The following MPPED2 variants were observed in gnomAD, a reference collection of about 807,000 sequenced individuals.
The protein encoded by MPPED2 is metallophosphoesterase domain containing 2, also known as metallophosphoesterase MPPED2.
In MPPED2, 5 loss-of-function variants were observed where a neutral mutation model predicts 33.0. That is an observed-to-expected ratio of 0.15 (90% confidence interval 0.08 to 0.32). MPPED2 has a LOEUF of 0.32. Ranked by LOEUF, MPPED2 falls within the 10% of genes least tolerant of loss-of-function variation. The pLI is 1.00. For missense variants in MPPED2, 275 were observed against 372.1 expected, an observed-to-expected ratio of 0.74 and a Z score of 2.15; for synonymous variants, 136 against 141.9, an observed-to-expected ratio of 0.96 and a Z score of 0.29.
chr11:30,459,926 T>C (rs1950450811), intron 4 of MPPED2, among the ~76,000 whole-genome samples: 1 of 152,208 alleles, frequency 6.6e-6, no homozygotes, highest in Non-Finnish European at 1.5e-5. Context: ...TTGAACTATC[T>C]GGAGGCAAAC....
At chr11:30,501,200 A>G (rs554923171) in intron 3 of MPPED2, among the ~76,000 whole-genome samples, 2 of 152,316 alleles carry the variant, frequency 1.3e-5, no homozygotes, top group East Asian at 3.9e-4. Flanking sequence ...ATCTTTCCCA[A>G]TCGCCATCAA....
chr11:30,450,778 G>C (rs1317651232), intron 4 of MPPED2, among the ~76,000 whole-genome samples: 2 of 152,186 alleles, frequency 1.3e-5, no homozygotes, highest in Admixed American at 1.3e-4. Flanking sequence ...CACATTAAAT[G>C]ACACATTTTA....
At chr11:30,578,091 G>A (rs541667977) in intron 2 of MPPED2, among the ~76,000 whole-genome samples, 36 of 152,296 alleles carry the variant, frequency 2.4e-4, no homozygotes, top group African/African-American at 8.4e-4. Context: ...CAAGTAACTT[G>A]GGCAGGCATG....
intron 4 of MPPED2, among the ~76,000 whole-genome samples, chr11:30,463,466 C>T (rs2048282281): frequency 6.6e-6 from 1 of 152,148 alleles, no homozygotes; most frequent in African/African-American, 2.4e-5. Flanking sequence ...TGCATTCCAC[C>T]CCTTTAGCCC....
intron 2 of MPPED2, among the ~76,000 whole-genome samples, chr11:30,577,439 T>C (rs1956978303): frequency 6.6e-6 from 1 of 152,046 alleles, no homozygotes; most frequent in Non-Finnish European, 1.5e-5. Context: ...CCATGCAAAA[T>C]AAATGAGCAA....
chr11:30,402,613 GA>G (rs1947924616), intron 6 of MPPED2, among the ~76,000 whole-genome samples: 1 of 152,190 alleles, frequency 6.6e-6, no homozygotes, highest in Non-Finnish European at 1.5e-5. Context: ...ATTGACCTGG[GA>G]AATCTAAAGG....
chr11:30,403,633 G>C (rs1947944886), intron 6 of MPPED2, among the ~76,000 whole-genome samples: 1 of 152,172 alleles, frequency 6.6e-6, no homozygotes, highest in South Asian at 2.1e-4. Flanking sequence ...GCCATTTGAT[G>C]CTTCAAATCT....
intron 4 of MPPED2, among the ~76,000 whole-genome samples, chr11:30,428,748 A>G (rs923049129): frequency 1.3e-5 from 2 of 152,192 alleles, no homozygotes; most frequent in African/African-American, 4.8e-5. Context: ...TAGCAACCAT[A>G]CACGTATGTT....
At chr11:30,496,723 G>T (rs892065856) in intron 3 of MPPED2, among the ~76,000 whole-genome samples, 57 of 146,292 alleles carry the variant, frequency 3.9e-4, no homozygotes, top group Admixed American at 3.2e-3. Context: ...GGGGTGGGGG[G>T]AGGTGAGGGG....
intron 1 of MPPED2, 125 bp from the exon 2 acceptor site, chr11:30,580,619 A>T: frequency 1.1e-6 from 1 of 936,574 alleles, no homozygotes; most frequent in Non-Finnish European, 1.5e-6. Flanking sequence ...TTGTTGGCTC[A>T]TGGATACAAC....
intron 3 of MPPED2, among the ~76,000 whole-genome samples, chr11:30,507,726 G>A (rs949194502): frequency 2.0e-5 from 3 of 152,250 alleles, no homozygotes; most frequent in African/African-American, 7.2e-5. Context: ...TTCCTGGGGG[G>A]TGTGAAATCA....
intron 3 of MPPED2, among the ~76,000 whole-genome samples, chr11:30,509,396 C>T (rs189808795): frequency 2.6e-5 from 4 of 152,252 alleles, no homozygotes; most frequent in East Asian, 3.9e-4. Context: ...CCTTTGTTCC[C>T]GGTAGCTCAG....
At chr11:30,509,300 T>C (rs955225279) in intron 3 of MPPED2, among the ~76,000 whole-genome samples, 5 of 152,208 alleles carry the variant, frequency 3.3e-5, no homozygotes, top group Admixed American at 6.5e-5. Context: ...ATGAACTATA[T>C]ACATGACACA....
At chr11:30,441,753 A>G (rs1949582412) in intron 4 of MPPED2, among the ~76,000 whole-genome samples, 2 of 151,488 alleles carry the variant, frequency 1.3e-5, no homozygotes, top group Admixed American at 6.6e-5. Flanking sequence ...TTTTTTGCAT[A>G]GGTTTCCCCA....
At chr11:30,495,085 C>T (rs1006250963) in intron 4 of MPPED2, 23 of 562,080 alleles carry the variant, frequency 4.1e-5, no homozygotes, top group Admixed American at 1.3e-4. Flanking sequence ...AAAGCTTTAA[C>T]TCCTATTGAT....
chr11:30,536,302 C>G, intron 2 of MPPED2, 127 bp from the exon 3 acceptor site: 8 of 762,898 alleles, frequency 1.0e-5, no homozygotes, highest in Non-Finnish European at 1.3e-5. Context: ...GCAGAAGGGC[C>G]CACTGTAATT....
Position 30,410,525 on chromosome 11 carries a change from C to T in MPPED2, c.*943G>A. 2 of 985,664 alleles carry T rather than the reference C, an allele frequency of 2.0e-6. No individual in the cohort carries two copies. The highest frequency in any genetic ancestry group is 2.4e-6 in the Non-Finnish European group (2 of 829,926). 61.1% of individuals were successfully genotyped at this position (985,664 alleles called of 1,614,324 possible). A position where few individuals can be genotyped will look rare whatever the true frequency, so the allele number is the denominator to read the frequency against. ...TATTTTAGTTAGCTTCCATTGCATC[C>T]ATTTAAGTCTATACATGCCTGTAAC... On this transcript the variant is annotated 3_prime_UTR_variant, in exon 7 of 7. Transcript: ENST00000358117.
At chr11:30,426,932 A>G (rs1948865140) in intron 4 of MPPED2, among the ~76,000 whole-genome samples, 1 of 152,126 alleles carries the variant, frequency 6.6e-6, no homozygotes, top group Non-Finnish European at 1.5e-5. Context: ...ACAACACACA[A>G]AAACCCACAT....
intron 3 of MPPED2, among the ~76,000 whole-genome samples, chr11:30,517,657 A>G (rs1953608709): frequency 1.3e-5 from 2 of 152,042 alleles, no homozygotes; most frequent in Non-Finnish European, 2.9e-5. Flanking sequence ...AGGCAATGGA[A>G]CAGGGTACTA....
Sources: allele counts gnomAD v4.1 joint callset (sites outside exome capture counted in the v4.1 genomes callset), GRCh38; gene constraint gnomAD v4.1.1; transcripts MANE v1.5; gene names NCBI Gene and HGNC (gene_info 2026-07-23, HGNC 2026-07-21).